The following ADSL variants were observed in gnomAD, a reference collection of about 807,000 sequenced individuals.
ADSL encodes the protein adenylosuccinate lyase.
In ADSL, 44 loss-of-function variants were observed where a neutral mutation model predicts 62.1. That is an observed-to-expected ratio of 0.71 (90% CI 0.56 to 0.91). ADSL has a LOEUF of 0.91. Ranked by LOEUF, ADSL falls within the 40% of genes least tolerant of loss-of-function variation. The pLI, the probability that ADSL is intolerant of heterozygous loss-of-function variation, is 0.00. For synonymous variants in ADSL, 198 were observed against 220.5 expected, an observed-to-expected ratio of 0.90 and a Z score of 0.90; for missense variants, 531 against 627.4, an observed-to-expected ratio of 0.85 and a Z score of 1.64.
intron 8 of ADSL, 56 bp from the exon 9 acceptor site, chr22:40,361,432 C>T (rs2044784575): frequency 6.2e-7 from 1 of 1,613,592 alleles, no homozygotes; most frequent in Non-Finnish European, 8.5e-7. Context: ...CTTGCCTACT[C>T]ACTATCCTCT....
Position 40,346,573 on chromosome 22 carries a change from C to A in ADSL, c.15C>A (p.Gly5=), listed in dbSNP as rs751781160. The change falls in exon 1 of 13, where the codon GGC becomes GGA. Residue 5 remains glycine (G), a synonymous_variant. Coordinates refer to ENST00000623063, the MANE Select transcript of ADSL (RefSeq NM_000026.4). MAAG[G]DHGSPDSYRS... ...GCAGGGTTGGGATGGCGGCTGGAGG[C>A]GATCATGGTTCGCCCGACAGCTACC... 5 of 1,604,914 alleles carry A rather than the reference C, an allele frequency of 3.1e-6. No homozygotes were observed. The highest frequency in any genetic ancestry group is 4.2e-6 in the Non-Finnish European group (5 of 1,177,004).
At chr22:40,361,170 A>C in intron 7 of ADSL, 103 bp from the exon 8 acceptor site, 1 of 1,113,272 alleles carries the variant, frequency 9.0e-7, no homozygotes, top group African/African-American at 1.5e-5. Context: ...GCTCAGCCAC[A>C]GCACACCTAA....
chr22:40,371,078 C>T (rs1012197332), downstream of ADSL, among the ~76,000 whole-genome samples: 1 of 152,232 alleles, frequency 6.6e-6, no homozygotes, highest in African/African-American at 2.4e-5. Context: ...GGGACAGCTG[C>T]AGACTCCTCC....
At chr22:40,354,696 C>T (rs551927682) in intron 4 of ADSL, among the ~76,000 whole-genome samples, 60 of 152,050 alleles carry the variant, frequency 3.9e-4, no homozygotes, top group African/African-American at 1.1e-3. Context: ...TGTGGTGAAA[C>T]GCTGTCTCTA....
At chr22:40,353,180 G>A (rs1047685183) in intron 3 of ADSL, 63 bp downstream of exon 3, 1 of 1,297,410 alleles carries the variant, frequency 7.7e-7, no homozygotes, top group Admixed American at 1.7e-5. Context: ...ATAGGCACCA[G>A]TTACAACTAA....
chr22:40,387,299 T>A (rs1444836172), intron 2 of ADSL: 3 of 398,268 alleles, frequency 7.5e-6, no homozygotes, highest in Non-Finnish European at 1.3e-5. Context: ...TATAGTGTAG[T>A]ATAATTACCA....
intron 12 of ADSL, 50 bp downstream of exon 12, chr22:40,365,106 C>G (rs764186571): frequency 3.2e-6 from 5 of 1,562,866 alleles, no homozygotes; most frequent in Non-Finnish European, 3.5e-6. Context: ...ACCTGGGGTA[C>G]TCTCTTTGAT....
At chr22:40,348,619 G>GA (rs1423474774) in intron 1 of ADSL, 6 of 398,402 alleles carry the variant, frequency 1.5e-5, no homozygotes, top group Non-Finnish European at 2.7e-5. Flanking sequence ...GGACTCAAGC[G>GA]ATCCACCGAC....
At chr22:40,375,301 C>T (rs972272253) in intron 2 of ADSL, among the ~76,000 whole-genome samples, 13 of 152,092 alleles carry the variant, frequency 8.5e-5, no homozygotes, top group African/African-American at 2.2e-4. Context: ...ATTGATAGGC[C>T]GGTTGTGGTG....
downstream of ADSL, chr22:40,370,726 G>A (rs2045229021): frequency 2.0e-5 from 3 of 152,780 alleles, no homozygotes; most frequent in South Asian, 6.2e-4. Flanking sequence ...ACCCACCGGC[G>A]CCTACAAGTT....
intron 4 of ADSL, among the ~76,000 whole-genome samples, chr22:40,354,593 G>A (rs764772405): frequency 5.3e-5 from 8 of 152,102 alleles, no homozygotes; most frequent in Admixed American, 2.0e-4. Flanking sequence ...TAAATGGGCC[G>A]GGTGTGGTGG....
Position 40,358,930 on chromosome 22 carries a change from C to G in ADSL, c.549C>G (p.Leu183=). Residue 183 remains leucine, a synonymous_variant, in exon 5 of 13, where the codon CTC becomes CTG. Transcript: ENST00000623063. ...CLWIQDLCMD[L]QNLKRVRDDL... ...GGATTCAGGATCTTTGCATGGATCT[C>G]CAGAACTTGAAGCGTGTCCGAGATG... The G allele has an allele frequency of 6.2e-7, 1 of 1,614,122 alleles. No homozygotes were observed. The highest frequency in any genetic ancestry group is 8.5e-7 in the Non-Finnish European group (1 of 1,180,030).
chr22:40,358,807 C>G, intron 4 of ADSL, 57 bp from the exon 5 acceptor site: 1 of 1,563,064 alleles, frequency 6.4e-7, no homozygotes, highest in Non-Finnish European at 8.8e-7. Context: ...AGCAATGAAA[C>G]CTTGATGATT....
At chr22:40,361,732 C>G in intron 9 of ADSL, 97 bp downstream of exon 9, 1 of 1,497,236 alleles carries the variant, frequency 6.7e-7, no homozygotes, top group African/African-American at 1.4e-5. Context: ...TCTACAGTCT[C>G]CTTATCCCCA....
At chr22:40,349,630 C>A (rs2044269927) in intron 1 of ADSL, among the ~76,000 whole-genome samples, 1 of 152,102 alleles carries the variant, frequency 6.6e-6, no homozygotes, top group Non-Finnish European at 1.5e-5. Context: ...TACCATGATT[C>A]ATTGAGAAGT....
rs2045071474 is a variant in ADSL, at chr22:40,368,681, C to G, written c.*2159C>G. On this transcript the variant is annotated 3_prime_UTR_variant, in exon 13 of 13. Transcript: ENST00000623063. ...GTGGCTCACGCCTGTAATCCCAACACTTTGGGAGGCCGAGGCAGGTGGATC... is the reference window on the plus strand; with the variant it reads ...GTGGCTCACGCCTGTAATCCCAACAGTTTGGGAGGCCGAGGCAGGTGGATC... The G allele has an allele frequency of 6.6e-6, 1 of 152,206 alleles. No individual in the cohort carries two copies. The highest frequency in any genetic ancestry group is 1.5e-5 in the Non-Finnish European group (1 of 68,100). The allele number at this position is 152,206 out of a possible 1,614,324, so 9.4% of individuals were successfully genotyped here. A position where few individuals can be genotyped will look rare whatever the true frequency, so the allele number is the denominator to read the frequency against.
chr22:40,362,461 T>G (rs1339188150), intron 9 of ADSL, among the ~76,000 whole-genome samples: 1 of 152,224 alleles, frequency 6.6e-6, no homozygotes, highest in Non-Finnish European at 1.5e-5. Flanking sequence ...GAGAGTTGGC[T>G]GTAAGGAGAC....
intron 2 of ADSL, among the ~76,000 whole-genome samples, chr22:40,375,039 A>G (rs753938456): frequency 6.6e-6 from 1 of 152,190 alleles, no homozygotes; most frequent in Non-Finnish European, 1.5e-5. Flanking sequence ...TAGGCTTACT[A>G]ATTTATGCTC....
intron 1 of ADSL, among the ~76,000 whole-genome samples, chr22:40,349,520 G>A (rs890087700): frequency 2.0e-5 from 3 of 151,968 alleles, no homozygotes. Flanking sequence ...GACTACAGGT[G>A]CACGCCACCA....
Sources: allele counts gnomAD v4.1 joint callset (sites outside exome capture counted in the v4.1 genomes callset), GRCh38; gene constraint gnomAD v4.1.1; transcripts MANE v1.5; gene names NCBI Gene and HGNC (gene_info 2026-07-23, HGNC 2026-07-21).